The following USH2A variants were observed in gnomAD, a reference collection of about 807,000 sequenced individuals.
USH2A encodes usherin.
USH2A carries 443 observed loss-of-function variants against 538.9 expected under a neutral mutation model. The ratio of observed to expected loss-of-function variants is 0.82; its 90% CI spans 0.76 to 0.89. The LOEUF is 0.89. Ranked by LOEUF, USH2A falls within the 40% of genes least tolerant of loss-of-function variation. USH2A has a pLI of 0.00. For missense variants in USH2A, 6,633 were observed against 6,324.8 expected (o/e 1.05, Z -1.65); for synonymous variants, 2,413 against 2,273.5 (o/e 1.06, Z -1.75).
At chr1:215,630,222 A>G (rs1389834283) in intron 70 of USH2A, 3 of 462,092 alleles carry the variant, frequency 6.5e-6, no homozygotes, top group Non-Finnish European at 1.3e-5. Context: ...TTAGGGTGAC[A>G]TTGCTTGACA....
chr1:216,287,716 G>T (rs2036914623), intron 11 of USH2A, among the ~76,000 whole-genome samples: 2 of 152,232 alleles, frequency 1.3e-5, no homozygotes, highest in East Asian at 3.9e-4. Context: ...GTGTAGGTTA[G>T]ACACGTAACT....
At position 215,675,138 on chromosome 1, in the gene USH2A, G is replaced by T. The variant is rs1277103551; in HGVS notation, c.12773C>A (p.Thr4258Lys). 2 of 1,614,068 alleles carry T rather than the reference G, an allele frequency of 1.2e-6. No individual in the cohort carries two copies. Among genetic ancestry groups the T allele is most frequent in the Non-Finnish European group, 1.7e-6 (2 of 1,180,004 alleles). The change falls in exon 63 of 72, where the codon ACA (threonine) becomes AAA (lysine). Residue 4258 changes from threonine (T) to lysine (K), a missense_variant. By Grantham distance (78) the Thr-to-Lys change is moderately conservative. Transcript: ENST00000307340. ...GAGACCTTCTGGAGGTGCTTGCAAT[G>T]TCCTCACCACATTCCAAGAGCTACA... Reference protein sequence around the residue: ...HTCSSWNVVRTLQAPPEGLSP... With the variant: ...HTCSSWNVVRKLQAPPEGLSP...
chr1:216,148,867 T>G (rs1284372812), intron 21 of USH2A, among the ~76,000 whole-genome samples: 1 of 151,780 alleles, frequency 6.6e-6, no homozygotes, highest in Admixed American at 6.6e-5. Flanking sequence ...GGACTGACCC[T>G]GACACCCATC....
At chr1:215,704,651 C>A (rs1455839923) in intron 61 of USH2A, among the ~76,000 whole-genome samples, 1 of 152,156 alleles carries the variant, frequency 6.6e-6, no homozygotes, top group Non-Finnish European at 1.5e-5. Flanking sequence ...ACACCCTGTC[C>A]CTAGACTCAT....
intron 3 of USH2A, among the ~76,000 whole-genome samples, chr1:216,400,465 T>A (rs1476149955): frequency 6.6e-6 from 1 of 150,574 alleles, no homozygotes; most frequent in Non-Finnish European, 1.5e-5. Context: ...AGAGTTAACA[T>A]TTGTATAACT....
Position 216,211,637 on chromosome 1 carries a change from T to C in USH2A, c.3158-4206A>G, listed in dbSNP as rs373509577. Among the ~76,000 whole-genome samples, 15 of 152,344 alleles carry C rather than the reference T, an allele frequency of 9.8e-5. 1 individual carries two copies. Among genetic ancestry groups the C allele is most frequent in the Admixed American group, 3.9e-4 (6 of 15,304 alleles). On this transcript the variant is annotated intron_variant, in intron 15 of 71. Transcript: ENST00000307340. ...GCTCATTGCCCTCCTTTTGTCTTTT[T>C]CTTCTTTGGAATTTGCATTGTTCTA...
chr1:216,420,835 C>T (rs1405291229), intron 2 of USH2A, among the ~76,000 whole-genome samples: 1 of 152,054 alleles, frequency 6.6e-6, no homozygotes, highest in Non-Finnish European at 1.5e-5. Flanking sequence ...AAATTTAAAA[C>T]AAAATGAAGA....
In USH2A at chr1:215,680,938, C is replaced by T. The variant is rs543281621; in HGVS notation, c.12067-562G>A. Among the ~76,000 whole-genome samples the T allele has an allele frequency of 4.6e-3, 695 of 152,150 alleles. 2 individuals are homozygous for T. The highest frequency in any genetic ancestry group is 6.9e-3 in the Non-Finnish European group (472 of 68,010). Reference sequence around the variant, plus strand: ...ATAAACACAAGAAAACAGTAACAAGCCAATTCAACTATACATGTACAAACA... The same window carrying T: ...ATAAACACAAGAAAACAGTAACAAGTCAATTCAACTATACATGTACAAACA... On this transcript the variant is annotated intron_variant, in intron 61 of 71. Transcript: ENST00000307340.
At chr1:216,112,999 G>A (rs1471290788) in intron 21 of USH2A, among the ~76,000 whole-genome samples, 1 of 151,788 alleles carries the variant, frequency 6.6e-6, no homozygotes, top group African/African-American at 2.4e-5. Context: ...TCAAATGGTG[G>A]TTCTGCTTTT....
chr1:215,936,661 G>T (rs990970082), intron 37 of USH2A, among the ~76,000 whole-genome samples: 1 of 152,038 alleles, frequency 6.6e-6, no homozygotes, highest in East Asian at 1.9e-4. Flanking sequence ...TAGCCATTCA[G>T]AACTAGCAAG....
chr1:216,402,078 C>T (rs567196368), intron 3 of USH2A, among the ~76,000 whole-genome samples: 3 of 152,028 alleles, frequency 2.0e-5, no homozygotes, highest in Admixed American at 6.6e-5. Context: ...TGTTTGTGTG[C>T]GTGTGTAAAC....
intron 64 of USH2A, among the ~76,000 whole-genome samples, chr1:215,663,385 C>G (rs1657504414): frequency 6.6e-6 from 1 of 152,274 alleles, no homozygotes; most frequent in South Asian, 2.1e-4. Flanking sequence ...AATTAAGTAT[C>G]TTTCTTGCAC....
chr1:215,871,759 C>T (rs564308217), intron 43 of USH2A, among the ~76,000 whole-genome samples: 11 of 152,242 alleles, frequency 7.2e-5, no homozygotes, highest in South Asian at 2.1e-4. Flanking sequence ...TCTTTGAACA[C>T]GCATCAGATG....
chr1:215,911,831 G>C (rs116878025), intron 38 of USH2A, among the ~76,000 whole-genome samples: 1 of 151,934 alleles, frequency 6.6e-6, no homozygotes, highest in East Asian at 1.9e-4. Flanking sequence ...TACCAGCAGG[G>C]TACAAGGGTT....
chr1:216,422,170 G>A lies in USH2A; in HGVS notation c.167C>T (p.Ala56Val). The change falls in exon 2 of 72, where the codon GCA becomes GTA. Residue 56 changes from alanine to valine, a missense_variant. Coordinates refer to ENST00000307340, the MANE Select transcript of USH2A (RefSeq NM_206933.4). Reference sequence around the variant, plus strand: ...GCTTCGGTCTGGGAGTCCACATACTGCTTGGGTTGGCACGATGGAAACTTT... The same window carrying A: ...GCTTCGGTCTGGGAGTCCACATACTACTTGGGTTGGCACGATGGAAACTTT... ...FKKVSIVPTQ[A>V]VCGLPDRSTF... The A allele has an allele frequency of 1.2e-6, 2 of 1,613,552 alleles. No homozygotes were observed. Among genetic ancestry groups the A allele is most frequent in the South Asian group, 1.1e-5 (1 of 91,056 alleles).
chr1:215,683,640 C>A (rs1658317141), intron 61 of USH2A, among the ~76,000 whole-genome samples: 1 of 152,226 alleles, frequency 6.6e-6, no homozygotes, highest in African/African-American at 2.4e-5. Flanking sequence ...GTCTTACTAA[C>A]TAGGAAAAGT....
At chr1:215,683,687 T>C (rs1213491283) in intron 61 of USH2A, among the ~76,000 whole-genome samples, 3 of 152,214 alleles carry the variant, frequency 2.0e-5, no homozygotes. Flanking sequence ...TTTACTCCTT[T>C]GCTTCACTTT....
intron 64 of USH2A, among the ~76,000 whole-genome samples, chr1:215,663,183 C>A (rs1050438888): frequency 6.0e-4 from 92 of 152,220 alleles, no homozygotes; most frequent in African/African-American, 2.2e-3. Context: ...TTGATATAGA[C>A]AAAAGAAATG....
intron 4 of USH2A, among the ~76,000 whole-genome samples, chr1:216,335,617 A>C (rs578150847): frequency 4.6e-5 from 7 of 151,752 alleles, no homozygotes; most frequent in African/African-American, 1.2e-4. Flanking sequence ...GCAGTCACAA[A>C]AAAGGATCAT....
Sources: gnomAD v4.1 joint callset for allele counts (sites outside exome capture counted in the v4.1 genomes callset) on GRCh38, gnomAD v4.1.1 for gene constraint, MANE v1.5 for transcripts, NCBI Gene and HGNC (gene_info 2026-07-23, HGNC 2026-07-21) for gene names.